PLCB1: variants seen among roughly 807,000 people sequenced by gnomAD.
The protein encoded by PLCB1 is phospholipase C beta 1, also known as 1-phosphatidylinositol 4,5-bisphosphate phosphodiesterase beta-1.
A neutral mutation model predicts 161.8 loss-of-function variants in PLCB1; 46 were observed. The observed-to-expected ratio is 0.28, with a 90% CI of 0.22 to 0.36. PLCB1 has a LOEUF of 0.36. Ranked by LOEUF, PLCB1 falls within the 10% of genes least tolerant of loss-of-function variation. The probability of loss-of-function intolerance (pLI) is 1.00; values close to 1 mark genes in which losing one functional copy is unlikely to be tolerated. For missense variants in PLCB1, 1,016 were observed against 1,472.5 expected, an observed-to-expected ratio of 0.69 and a Z score of 5.07; for synonymous variants, 517 against 503.7, an observed-to-expected ratio of 1.03 and a Z score of -0.35.
At chr20:8,839,793 G>A (rs1041449198) in intron 31 of PLCB1, among the ~76,000 whole-genome samples, 1 of 151,274 alleles carries the variant, frequency 6.6e-6, no homozygotes, top group Admixed American at 6.6e-5. Context: ...CACTTTGGGA[G>A]GCCGAGGCAG....
intron 2 of PLCB1, among the ~76,000 whole-genome samples, chr20:8,342,071 T>A (rs1985828837): frequency 6.6e-6 from 1 of 152,166 alleles, no homozygotes; most frequent in African/African-American, 2.4e-5. Flanking sequence ...AGACAGAACA[T>A]CTTTAAAGGT....
chr20:8,846,337 T>C (rs1002445405), intron 31 of PLCB1, among the ~76,000 whole-genome samples: 2 of 152,028 alleles, frequency 1.3e-5, no homozygotes, highest in African/African-American at 4.8e-5. Flanking sequence ...CACTGGGGAT[T>C]ACAATTCAAC....
chr20:8,629,861 CTTTCTTTCTTTCTTTCTCTCTCTCTTTCT>C lies in PLCB1; in HGVS notation c.384+1450_384+1478del, dbSNP rs1568536002. Among the ~76,000 whole-genome samples, 14 of 92,066 alleles carry C rather than the reference CTTTCTTTCTTTCTTTCTCTCTCTCTTTCT, an allele frequency of 1.5e-4. 1 individual carries two copies. The highest frequency in any genetic ancestry group is 2.2e-4 in the Non-Finnish European group (10 of 45,928). 60.4% of individuals were successfully genotyped at this position (92,066 alleles called of 152,430 possible). A position where few individuals can be genotyped will look rare whatever the true frequency, so the allele number is the denominator to read the frequency against. On this transcript the variant is annotated intron_variant, in intron 4 of 31. Transcript: ENST00000338037. ...TCTTTCTTTCTTTCTTTCTTTCTTT[CTTTCTTTCTTTCTTTCTCTCTCTCTTTCT>C]TTTCTTTCTTTCTTTCTCTTTCCTT... is the stretch of plus-strand genomic sequence containing the variant.
chr20:8,527,230 A>T (rs1162672741), intron 3 of PLCB1, among the ~76,000 whole-genome samples: 1 of 152,098 alleles, frequency 6.6e-6, no homozygotes, highest in East Asian at 1.9e-4. Context: ...GAAATTATGG[A>T]TATAAATTCC....
In PLCB1 at chr20:8,450,031, A is replaced by G. The variant is rs148043350; in HGVS notation, c.246+78581A>G. Among the ~76,000 whole-genome samples the G allele has an allele frequency of 1.7e-4, 26 of 152,292 alleles. No individual in the cohort carries two copies. In the East Asian group the frequency reaches 5.0e-3, roughly 29 times the overall value. ...TAGTATATTGAAATTTGTTCTTTGG[A>G]ATTCAATTATTCAATAAAATAAGAG... On this transcript the variant is annotated intron_variant, in intron 3 of 31. Coordinates refer to ENST00000338037, the MANE Select transcript of PLCB1 (RefSeq NM_015192.4).
At chr20:8,651,913 G>T (rs1989333078) in intron 7 of PLCB1, 1 of 165,148 alleles carries the variant, frequency 6.1e-6, no homozygotes, top group East Asian at 1.7e-4. Flanking sequence ...ATGAGAGATG[G>T]ATTTGCAAAG....
Position 8,485,952 on chromosome 20 carries a change from CA to C in PLCB1, c.246+114503del, listed in dbSNP as rs1163505993. On this transcript the variant is annotated intron_variant, in intron 3 of 31. Transcript: ENST00000338037. The stretch of plus-strand genomic sequence containing the variant: ...AAAGGAAAGCAGTTTAATTGACTCA[CA>C]GTTCCACAGGGCTGGAGAGGCCTCA... 3.3e-5 allele frequency among the ~76,000 whole-genome samples: 5 copies of C among 152,162 alleles called. No homozygotes were observed. In the East Asian group the frequency reaches 9.6e-4, roughly 29 times the overall value.
At chr20:8,159,405 C>A (rs1182022036) in intron 2 of PLCB1, among the ~76,000 whole-genome samples, 1 of 152,076 alleles carries the variant, frequency 6.6e-6, no homozygotes, top group Non-Finnish European at 1.5e-5. Flanking sequence ...CCCACAAAAC[C>A]ATTTTTTCCT....
intron 2 of PLCB1, among the ~76,000 whole-genome samples, chr20:8,235,202 T>C (rs903038576): frequency 3.3e-5 from 5 of 152,112 alleles, no homozygotes; most frequent in African/African-American, 4.8e-5. Flanking sequence ...TATGTGGAGC[T>C]TAGAGAGAAT....
chr20:8,372,300 G>C (rs895642263), intron 3 of PLCB1: 1 of 151,846 alleles, frequency 6.6e-6, no homozygotes, highest in African/African-American at 2.4e-5. Flanking sequence ...TCTTTTAAAA[G>C]TCAAAATTCT....
Position 8,297,100 on chromosome 20 carries a change from G to T in PLCB1, c.178-74282G>T, listed in dbSNP as rs146410249. ...CACCTATATATACATCTGTATAGAT[G>T]TATGTATATGTACATGTACACACAA... On this transcript the variant is annotated intron_variant, in intron 2 of 31. Transcript: ENST00000338037. 9.5e-4 allele frequency among the ~76,000 whole-genome samples: 145 copies of T among 151,852 alleles called. 1 individual carries two copies. The highest frequency in any genetic ancestry group is 7.7e-3 in the South Asian group (37 of 4,804).
In PLCB1 at chr20:8,289,765, G is replaced by A. The variant is rs376457080; in HGVS notation, c.178-81617G>A. Among the ~76,000 whole-genome samples, 9 of 152,230 alleles carry A rather than the reference G, an allele frequency of 5.9e-5. No individual in the cohort carries two copies. The East Asian group carries it at 1.2e-3, about 20-fold the overall frequency. On this transcript the variant is annotated intron_variant, in intron 2 of 31. Coordinates refer to ENST00000338037, the MANE Select transcript of PLCB1 (RefSeq NM_015192.4). ...CCCCAGGACACTCGGAATCTTGAAC[G>A]AGCATGACTCAATGGGAGACTGTTC...
intron 2 of PLCB1, among the ~76,000 whole-genome samples, chr20:8,221,782 T>C (rs1979424193): frequency 6.6e-6 from 1 of 151,992 alleles, no homozygotes. Flanking sequence ...AGCTAAAATT[T>C]ACACAGAGTT....
At chr20:8,151,152 A>G (rs561257777) in intron 2 of PLCB1, among the ~76,000 whole-genome samples, 4 of 152,264 alleles carry the variant, frequency 2.6e-5, no homozygotes, top group African/African-American at 9.6e-5. Flanking sequence ...CTAAGTTTTG[A>G]TATATGGAGA....
chr20:8,629,781 C>T (rs546404116), intron 4 of PLCB1, among the ~76,000 whole-genome samples: 4 of 91,132 alleles, frequency 4.4e-5, no homozygotes, highest in African/African-American at 1.8e-4. Context: ...TGGCCTGGTT[C>T]CTTCCTTCCT....
In PLCB1 at chr20:8,148,125, A is replaced by G. The variant is rs764804432; in HGVS notation, c.100-2169A>G. On this transcript the variant is annotated intron_variant, in intron 1 of 31. Transcript: ENST00000338037. ...GAAAAGAAACTGACCTGAAAAAGAT[A>G]AGTTACACCTACAGTTTATTCTAAA... Among the ~76,000 whole-genome samples, 71 of 152,250 alleles carry G rather than the reference A, an allele frequency of 4.7e-4. 1 individual carries two copies. Among genetic ancestry groups the G allele is most frequent in the Admixed American group, 4.6e-4 (7 of 15,284 alleles).
intron 2 of PLCB1, among the ~76,000 whole-genome samples, chr20:8,253,434 T>C (rs138535652): frequency 6.6e-6 from 1 of 151,984 alleles, no homozygotes; most frequent in Non-Finnish European, 1.5e-5. Context: ...AATACGAGAC[T>C]GACATATTTA....
chr20:8,401,513 A>G (rs1330606481), intron 3 of PLCB1, among the ~76,000 whole-genome samples: 5 of 152,214 alleles, frequency 3.3e-5, no homozygotes, highest in African/African-American at 1.2e-4. Context: ...ACAGTGACAA[A>G]GGAATCTTTA....
chr20:8,781,936 C>A (rs6056109), intron 27 of PLCB1, among the ~76,000 whole-genome samples: 147,703 of 152,228 alleles, frequency 0.97, 71,690 homozygotes, highest in East Asian at 1. Context: ...GGGAGCTACA[C>A]GATGAGATTT....
Sources: allele counts gnomAD v4.1 joint callset (sites outside exome capture counted in the v4.1 genomes callset), GRCh38; gene constraint gnomAD v4.1.1; transcripts MANE v1.5; gene names NCBI Gene and HGNC (gene_info 2026-07-23, HGNC 2026-07-21).